Variants in SUN2 observed in about 807,000 individuals in gnomAD.
The protein encoded by SUN2 is Sad1 and UNC84 domain containing 2.
In SUN2, 60 loss-of-function variants were observed where a neutral mutation model predicts 100.0. The ratio of observed to expected loss-of-function variants is 0.60; its 90% confidence interval spans 0.49 to 0.74. SUN2 has a LOEUF of 0.74. SUN2 is among the 30% of genes least tolerant of loss of function. SUN2 has a pLI of 0.00. For synonymous variants in SUN2, 367 were observed against 403.3 expected, an observed-to-expected ratio of 0.91 and a Z score of 1.08; for missense variants, 834 against 954.6, an observed-to-expected ratio of 0.87 and a Z score of 1.66.
In SUN2 at chr22:38,737,969, C is replaced by CA; in HGVS notation, c.2040+203_2040+204insT. On this transcript the variant is annotated intron_variant, in intron 17 of 17. Transcript: ENST00000689035. This position sits in a 1 kb window ranked among gnomAD's most constrained non-coding sequence, Gnocchi z 4.1. ...TTTCCAGGAAGCTTCCCTCATGCTG[C>CA]CCTTCTGGAAGGTGCCTTCCCCTGT... is the stretch of plus-strand genomic sequence containing the variant. 1.4e-6 allele frequency: 1 copy of CA among 705,726 alleles called. No homozygotes were observed. Among genetic ancestry groups the CA allele is most frequent in the Non-Finnish European group, 2.6e-6 (1 of 378,256 alleles). The allele number at this position is 705,726 out of a possible 1,614,324, so 43.7% of individuals were successfully genotyped here.
chr22:38,740,918 CT>C lies in SUN2; in HGVS notation c.1190+88del. The C allele has an allele frequency of 1.5e-6, 2 of 1,378,460 alleles. No homozygotes were observed. Among genetic ancestry groups the C allele is most frequent in the South Asian group, 2.5e-5 (2 of 80,618 alleles). 85.4% of individuals were successfully genotyped at this position (1,378,460 alleles called of 1,614,324 possible). On this transcript the variant is annotated intron_variant, in intron 11 of 17. Coordinates refer to ENST00000689035, the MANE Select transcript of SUN2 (RefSeq NM_015374.3). This position sits in a 1 kb window ranked among gnomAD's most constrained non-coding sequence, Gnocchi z 4.8. ...TGCTTGGCAAGATGATCAGAACTCT[CT>C]GCTCTGCGGCTCTGCTCCCCAGTCC...
Position 38,752,574 on chromosome 22 carries a change from T to TGCC in SUN2, c.52_54dup (p.Gly18dup), listed in dbSNP as rs754814516. Reference sequence around the variant, plus strand: ...ACCGAGCTCCCTCCGCTGCTGCTGCTGCCGTCATCGTCACCCTGGGAGTAG... The same window carrying TGCC: ...ACCGAGCTCCCTCCGCTGCTGCTGCTGCCGCCGTCATCGTCACCCTGGGAGTAG... On this transcript the variant is annotated inframe_insertion, in exon 2 of 18. Transcript: ENST00000689035. 2.1e-5 allele frequency: 34 copies of TGCC among 1,613,898 alleles called. No homozygotes were observed. Among genetic ancestry groups the TGCC allele is most frequent in the Non-Finnish European group, 2.9e-5 (34 of 1,179,958 alleles).
rs777319339 is a variant in SUN2 at position 38,750,308 on chromosome 22, A to G, written c.437T>C (p.Val146Ala). 3 of 1,613,844 alleles carry G rather than the reference A, an allele frequency of 1.9e-6. No individual in the cohort carries two copies. Among genetic ancestry groups the G allele is most frequent in the East Asian group, 4.5e-5 (2 of 44,880 alleles). The change falls in exon 5 of 18, where the codon GTG becomes GCG. Residue 146 changes from valine to alanine, a missense_variant. Around this residue, in one of 3 missense-constraint regions of SUN2, gnomAD observed 559 missense variants for 597.7 expected, o/e 0.94. Coordinates refer to ENST00000689035, the MANE Select transcript of SUN2 (RefSeq NM_015374.3). ...CCGCGAGCTGGAACTCTGCTGGTCC[A>G]CATCCGAGTAGCCTGCGGGGAACGA... is the stretch of plus-strand genomic sequence containing the variant. ...SEDDYVGYSD[V>A]DQQSSSSRLR... is the part of the protein sequence containing the mutation.
At chr22:38,741,709 C>G in intron 9 of SUN2, 138 bp from the exon 10 acceptor site, 2 of 725,748 alleles carry the variant, frequency 2.8e-6, no homozygotes, top group Non-Finnish European at 4.7e-6. Context: ...CTCTGAACCA[C>G]GCAAGACTCC....
intron 7 of SUN2, among the ~76,000 whole-genome samples, chr22:38,746,236 AG>A (rs1314457064): frequency 6.6e-6 from 1 of 152,160 alleles, no homozygotes; most frequent in Non-Finnish European, 1.5e-5. Flanking sequence ...GCCCCTGCGT[AG>A]GTGAGTTTGT....
Position 38,740,089 on chromosome 22 carries a change from T to C in SUN2, c.1357-146A>G. ...AGAGTTATGAACACTCCATGGGCAC[T>C]AACAAAAACAGGAAGAACGCCTGTC... On this transcript the variant is annotated intron_variant, in intron 12 of 17. Coordinates refer to ENST00000689035, the MANE Select transcript of SUN2 (RefSeq NM_015374.3). The surrounding 1 kb of genome is among the most constrained non-coding windows in gnomAD (Gnocchi z 4.8). The C allele has an allele frequency of 4.1e-6, 5 of 1,224,350 alleles. No individual in the cohort carries two copies. Among genetic ancestry groups the C allele is most frequent in the Non-Finnish European group, 4.5e-6 (4 of 895,932 alleles). 75.8% of individuals were successfully genotyped at this position (1,224,350 alleles called of 1,614,324 possible).
At chr22:38,749,910 C>A in intron 5 of SUN2, 51 bp from the exon 6 acceptor site, 3 of 1,546,826 alleles carry the variant, frequency 1.9e-6, no homozygotes, top group Non-Finnish European at 2.6e-6. Flanking sequence ...TTGGGGGCAC[C>A]GCTCCTTTGT....
chr22:38,750,840 C>T lies in SUN2; in HGVS notation c.424+58G>A, dbSNP rs1375173891. 6.2e-6 allele frequency: 10 copies of T among 1,602,178 alleles called. No homozygotes were observed. The South Asian group carries it at 1.0e-4, about 16-fold the overall frequency. On this transcript the variant is annotated intron_variant, in intron 4 of 17. Transcript: ENST00000689035. ...AGCTCCCCGGGGCTCCCTGCCCAGC[C>T]TTCCTGAGGCCTCCCAGCAGCCTCG...
At chr22:38,752,197 C>A (rs2092950431) in intron 2 of SUN2, among the ~76,000 whole-genome samples, 1 of 152,118 alleles carries the variant, frequency 6.6e-6, no homozygotes, top group South Asian at 2.1e-4. Flanking sequence ...GTCAGGTGAT[C>A]CACCTCCCTT....
chr22:38,742,637 A>G (rs2092869507), intron 8 of SUN2, 82 bp from the exon 9 acceptor site: 2 of 1,489,922 alleles, frequency 1.3e-6, no homozygotes, highest in Admixed American at 4.1e-5. Flanking sequence ...CACAGCCAAC[A>G]CAGAAAGAAA....
chr22:38,739,861 T>A lies in SUN2; in HGVS notation c.1439A>T (p.Glu480Val). 6.2e-7 allele frequency: 1 copy of A among 1,613,570 alleles called. No individual in the cohort carries two copies. Among genetic ancestry groups the A allele is most frequent in the South Asian group, 1.1e-5 (1 of 91,088 alleles). The change falls in exon 13 of 18, where the codon GAG (glutamate) becomes GTG (valine). Residue 480 changes from glutamate (E) to valine (V), a missense_variant. Coordinates refer to ENST00000689035, the MANE Select transcript of SUN2 (RefSeq NM_015374.3). The surrounding 1 kb of genome is among the most constrained non-coding windows in gnomAD (Gnocchi z 6.7). ...CAGCTCTCGCAGCTGAGCTTGCATC[T>A]CCTCTCTCTGAAGGAGCCCCACGCG... ...GGRVGLLQRE[E>V]MQAQLRELES...
chr22:38,738,548 C>T lies in SUN2; in HGVS notation c.1947+39G>A. On this transcript the variant is annotated intron_variant, in intron 16 of 17. Transcript: ENST00000689035. The surrounding 1 kb of genome is among the most constrained non-coding windows in gnomAD (Gnocchi z 6.6). ...CAGTAGAGAGGCCCACAGGATCCCC[C>T]TGCAGCCCCTCTGGCCCCACCACAG... 1.3e-6 allele frequency: 2 copies of T among 1,595,672 alleles called. No homozygotes were observed. Among genetic ancestry groups the T allele is most frequent in the Non-Finnish European group, 1.7e-6 (2 of 1,166,984 alleles).
chr22:38,735,117 A>G lies in SUN2; in HGVS notation c.*1150T>C, dbSNP rs771590276. The G allele has an allele frequency of 2.0e-4, 80 of 392,882 alleles. No individual in the cohort carries two copies. The highest frequency in any genetic ancestry group is 3.9e-4 in the Non-Finnish European group (78 of 202,144). 24.3% of individuals were successfully genotyped at this position (392,882 alleles called of 1,614,324 possible). On this transcript the variant is annotated 3_prime_UTR_variant, in exon 18 of 18. Transcript: ENST00000689035. ...AAAACAGACCTTGAAAAATATATACATAATACAGTGGGGCCTGCTGGCTCT... is the reference window on the plus strand; with the variant it reads ...AAAACAGACCTTGAAAAATATATACGTAATACAGTGGGGCCTGCTGGCTCT...
intron 17 of SUN2, chr22:38,736,633 T>C (rs1306425072): frequency 5.7e-6 from 2 of 348,828 alleles, no homozygotes; most frequent in Non-Finnish European, 1.1e-5. Context: ...AATCGTTTTT[T>C]TATTGTGATC....
At position 38,740,308 on chromosome 22, in the gene SUN2, C is replaced by T; in HGVS notation, c.1315G>A (p.Val439Met). Residue 439 changes from valine to methionine, a missense_variant, in exon 12 of 18, where the codon GTG becomes ATG. Coordinates refer to ENST00000689035, the MANE Select transcript of SUN2 (RefSeq NM_015374.3). The surrounding 1 kb of genome is among the most constrained non-coding windows in gnomAD (Gnocchi z 4.8). ...TGGATCTGCTGGGGCAGCAGGCCCA[C>T]TTCTTCCGCCACCGAGCTCTGCTTC... Reference protein sequence around the residue: ...ALKQSSVAEEVGLLPQQIQAV... With the variant: ...ALKQSSVAEEMGLLPQQIQAV... 6.2e-7 allele frequency: 1 copy of T among 1,604,282 alleles called. No individual in the cohort carries two copies. Among genetic ancestry groups the T allele is most frequent in the South Asian group, 1.1e-5 (1 of 89,552 alleles).
chr22:38,745,105 C>T, intron 8 of SUN2: 1 of 471,170 alleles, frequency 2.1e-6, no homozygotes, highest in South Asian at 1.5e-5. Flanking sequence ...GGATCAAGGC[C>T]TCAAAGGTCT....
rs200570507 is a variant in SUN2, at chr22:38,739,891, C to G, written c.1409G>C (p.Gly470Ala). ...WISQFLARGG[G>A]GRVGLLQREE... ...TCTCTGAAGGAGCCCCACGCGGCCC[C>G]CTCCACCTCGGGCAAGGAACTGACT... Residue 470 changes from glycine to alanine, a missense_variant, in exon 13 of 18, where the codon GGG becomes GCG. Gly to Ala is a moderately conservative substitution (Grantham distance 60). Coordinates refer to ENST00000689035, the MANE Select transcript of SUN2 (RefSeq NM_015374.3). This position sits in a 1 kb window ranked among gnomAD's most constrained non-coding sequence, Gnocchi z 6.7. 61 of 1,613,058 alleles carry G rather than the reference C, an allele frequency of 3.8e-5. No individual in the cohort carries two copies. Among genetic ancestry groups the G allele is most frequent in the Non-Finnish European group, 5.1e-5 (60 of 1,180,038 alleles).
chr22:38,747,716 G>A (rs1260214386), intron 7 of SUN2, among the ~76,000 whole-genome samples: 3 of 151,658 alleles, frequency 2.0e-5, no homozygotes, highest in African/African-American at 7.3e-5. Flanking sequence ...GCCGAGGTGG[G>A]TGGATCACTT....
At chr22:38,744,206 C>T (rs1223007522) in intron 8 of SUN2, among the ~76,000 whole-genome samples, 1 of 148,844 alleles carries the variant, frequency 6.7e-6, no homozygotes, top group East Asian at 2.0e-4. Context: ...TGCCACTGCA[C>T]TCCAGCCTGG....
Sources: gnomAD v4.1 joint callset for allele counts (sites outside exome capture counted in the v4.1 genomes callset) on GRCh38, gnomAD v4.1.1 for gene constraint, gnomAD v4.1.1 regional missense constraint, Gnocchi (gnomAD v3.1) non-coding constraint, MANE v1.5 for transcripts, NCBI Gene and HGNC (gene_info 2026-07-23, HGNC 2026-07-21) for gene names.